The following ATAD3B variants were observed in gnomAD, a reference collection of about 807,000 sequenced individuals.
The protein encoded by ATAD3B is ATPase family AAA domain-containing protein 3B.
ATAD3B carries 59 observed loss-of-function variants against 70.2 expected under a neutral mutation model. That is an observed-to-expected ratio of 0.84 (90% CI 0.68 to 1.04). ATAD3B has a LOEUF of 1.04. Among genes scored for constraint, ATAD3B ranks in the 50% least tolerant of loss-of-function variants. ATAD3B has a pLI of 0.00. For missense variants in ATAD3B, 961 were observed against 913.4 expected (o/e 1.05, Z -0.67); for synonymous variants, 423 against 388.6 (o/e 1.09, Z -1.04).
At chr1:1,493,851 T>A (rs1640650678) in intron 15 of ATAD3B, among the ~76,000 whole-genome samples, 1 of 151,948 alleles carries the variant, frequency 6.6e-6, no homozygotes, top group East Asian at 1.9e-4. Flanking sequence ...ACTTTCCCAG[T>A]GAGGCTCATC....
intron 15 of ATAD3B, among the ~76,000 whole-genome samples, chr1:1,494,999 C>T (rs1640709484): frequency 6.6e-6 from 1 of 152,100 alleles, no homozygotes; most frequent in Admixed American, 6.6e-5. Flanking sequence ...GTGCTCAATG[C>T]CAAGCCCTGT....
At chr1:1,485,974 G>T in intron 9 of ATAD3B, 136 bp downstream of exon 9, 1 of 1,589,648 alleles carries the variant, frequency 6.3e-7, no homozygotes, top group South Asian at 1.1e-5. Flanking sequence ...GGACTGTGCC[G>T]GGGATAGATA....
At chr1:1,474,034 C>T (rs558985469) in intron 1 of ATAD3B, among the ~76,000 whole-genome samples, 1 of 151,872 alleles carries the variant, frequency 6.6e-6, no homozygotes, top group Non-Finnish European at 1.5e-5. Context: ...ATAGTCCTAG[C>T]TGGGCACCAC....
In ATAD3B at chr1:1,496,360, C is replaced by T. The variant is rs535436609; in HGVS notation, c.*543C>T. The T allele has an allele frequency of 1.1e-5, 7 of 647,516 alleles. No individual in the cohort carries two copies. Among genetic ancestry groups the T allele is most frequent in the South Asian group, 1.4e-4 (2 of 14,580 alleles). The allele number at this position is 647,516 out of a possible 1,614,324, so 40.1% of individuals were successfully genotyped here. A position where few individuals can be genotyped will look rare whatever the true frequency, so the allele number is the denominator to read the frequency against. The stretch of plus-strand genomic sequence containing the variant: ...CTTCACATCAGCCTCGCGCCACATC[C>T]GAGTTGGGGTCTGAATGCTGCCCGG... On this transcript the variant is annotated 3_prime_UTR_variant, in exon 16 of 16. Transcript: ENST00000673477.
At chr1:1,472,896 C>G (rs1202740783) in intron 1 of ATAD3B, among the ~76,000 whole-genome samples, 2 of 148,842 alleles carry the variant, frequency 1.3e-5, no homozygotes, top group South Asian at 2.2e-4. Context: ...TGCAGTGGTG[C>G]GATTTCGGCT....
At chr1:1,485,603 C>T (rs1293551509) in intron 8 of ATAD3B, among the ~76,000 whole-genome samples, 179 bp from the exon 9 acceptor site, 1 of 152,070 alleles carries the variant, frequency 6.6e-6, no homozygotes, top group Non-Finnish European at 1.5e-5. Flanking sequence ...GGAAAATGCC[C>T]CTAATCCCAG....
At position 1,495,508 on chromosome 1, in the gene ATAD3B, C is replaced by T. The variant is rs748534195; in HGVS notation, c.1638C>T (p.Asp546=). The T allele has an allele frequency of 1.6e-5, 26 of 1,609,604 alleles. No individual in the cohort carries two copies. Among genetic ancestry groups the T allele is most frequent in the Middle Eastern group, 1.7e-4 (1 of 6,060 alleles). Residue 546 remains aspartate, a synonymous_variant, in exon 16 of 16, where the codon GAC becomes GAT. Coordinates refer to ENST00000673477, the MANE Select transcript of ATAD3B (RefSeq NM_031921.6). ...SWQATAYASK[D]GVLTEAMMDA... ...AGGCCACGGCATATGCCTCCAAGGA[C>T]GGGGTCCTCACTGAGGCCATGATGG...
At position 1,482,185 on chromosome 1, in the gene ATAD3B, C is replaced by T. The variant is rs555206229; in HGVS notation, c.562C>T (p.Arg188Ter). The change falls in exon 6 of 16, where the codon CGA becomes TGA. Residue 188 changes from arginine (R) to a stop codon, truncating the protein, a stop_gained. Coordinates refer to ENST00000673477, the MANE Select transcript of ATAD3B (RefSeq NM_031921.6). LOFTEE classifies it high-confidence loss of function. ...MELRHKNEML[R>*]VETEARARAK... ...GCTGCGGCACAAGAATGAGATGCTG[C>T]GAGTGGAGACCGAGGCCCGGGCGCG... The T allele has an allele frequency of 2.1e-5, 34 of 1,610,826 alleles. 1 individual carries two copies. Among genetic ancestry groups the T allele is most frequent in the African/African-American group, 6.7e-5 (5 of 74,974 alleles).
chr1:1,486,206 C>T lies in ATAD3B; in HGVS notation c.1060C>T (p.Pro354Ser). ...LYRHILLYGP[P>S]GTGKTLFAKK... Reference sequence around the variant, plus strand: ...CAGGCACATCCTGCTGTATGGGCCACCAGGCACCGGGAAGACGCTGTTTGC... The same window carrying T: ...CAGGCACATCCTGCTGTATGGGCCATCAGGCACCGGGAAGACGCTGTTTGC... Residue 354 changes from proline to serine, a missense_variant, in exon 10 of 16, where the codon CCA becomes TCA. Around this residue, in one of 4 missense-constraint regions of ATAD3B, gnomAD observed 349 missense variants for 307.5 expected, o/e 1.14. Transcript: ENST00000673477. 6.2e-7 allele frequency: 1 copy of T among 1,613,116 alleles called. No individual in the cohort carries two copies. Among genetic ancestry groups the T allele is most frequent in the Non-Finnish European group, 8.5e-7 (1 of 1,179,654 alleles).
chr1:1,478,408 G>C, intron 2 of ATAD3B: 4 of 1,497,544 alleles, frequency 2.7e-6, no homozygotes, highest in South Asian at 2.7e-5. Context: ...GTTGGTGTCT[G>C]ACCTCCCTCC....
downstream of ATAD3B, among the ~76,000 whole-genome samples, chr1:1,498,860 C>A (rs112479096): frequency 9.3e-3 from 1,409 of 151,936 alleles, 25 homozygotes; most frequent in African/African-American, 0.031. Context: ...AAATTTACTT[C>A]TATAGAAGGG....
chr1:1,485,696 T>C (rs575342801), intron 8 of ATAD3B, 86 bp from the exon 9 acceptor site: 54 of 1,577,412 alleles, frequency 3.4e-5, no homozygotes, highest in African/African-American at 5.4e-5. Context: ...TCCGTTTCTG[T>C]GTGTTACCGA....
At chr1:1,491,271 C>T (rs988192158) in intron 15 of ATAD3B, among the ~76,000 whole-genome samples, 6 of 152,044 alleles carry the variant, frequency 3.9e-5, no homozygotes, top group African/African-American at 1.4e-4. Flanking sequence ...CGCGGTGGCT[C>T]ACGCCTGCAA....
intron 15 of ATAD3B, among the ~76,000 whole-genome samples, chr1:1,494,075 T>C (rs750688559): frequency 9.2e-5 from 14 of 152,012 alleles, no homozygotes; most frequent in Non-Finnish European, 1.9e-4. Flanking sequence ...AGATCTTAGG[T>C]TCCCAGAAAA....
In ATAD3B at chr1:1,478,243, C is replaced by T. The variant is rs1049328022; in HGVS notation, c.283-401C>T. The T allele has an allele frequency of 1.3e-5, 7 of 547,482 alleles. No individual in the cohort carries two copies. The African/African-American group carries it at 1.3e-4, about 10-fold the overall frequency. The allele number at this position is 547,482 out of a possible 1,614,324, so 33.9% of individuals were successfully genotyped here. ...AACTCCTGACCTCAGGTGATCCAGC[C>T]ACTTTGGCCTCACAAAGTGCTGGGA... On this transcript the variant is annotated intron_variant, in intron 2 of 15. Coordinates refer to ENST00000673477, the MANE Select transcript of ATAD3B (RefSeq NM_031921.6).
Position 1,497,201 on chromosome 1 carries a change from T to G in ATAD3B, c.*1384T>G, listed in dbSNP as rs1427734901. On this transcript the variant is annotated 3_prime_UTR_variant, in exon 16 of 16. Coordinates refer to ENST00000673477, the MANE Select transcript of ATAD3B (RefSeq NM_031921.6). ...CATTTCTCTCTCTACCTCTGCTCGC[T>G]CTCTCCATTTCTCTCTTTTTCCTTT... is the stretch of plus-strand genomic sequence containing the variant. 6.6e-6 allele frequency: 1 copy of G among 151,118 alleles called. No homozygotes were observed. Among genetic ancestry groups the G allele is most frequent in the Non-Finnish European group, 1.5e-5 (1 of 68,262 alleles). 9.4% of individuals were successfully genotyped at this position (151,118 alleles called of 1,614,324 possible).
At chr1:1,488,905 C>G (rs1009489596) in intron 12 of ATAD3B, among the ~76,000 whole-genome samples, 11 of 151,718 alleles carry the variant, frequency 7.3e-5, no homozygotes, top group Non-Finnish European at 1.5e-4. Context: ...CTTGAGATTA[C>G]AGGTGTGCCA....
chr1:1,482,389 A>T (rs1639964368), intron 6 of ATAD3B, 86 bp downstream of exon 6: 3 of 1,581,574 alleles, frequency 1.9e-6, no homozygotes, highest in African/African-American at 1.4e-5. Context: ...CAGCTCTTCC[A>T]GGCCTGGCCG....
At chr1:1,503,599 G>A in the ATAD3B span, 26 of 1,612,218 alleles carry the variant, frequency 1.6e-5, no homozygotes, top group African/African-American at 1.1e-4. Context: ...ATCAAAGGAC[G>A]CCCTGAATGT....
Sources: gnomAD v4.1 joint callset for allele counts (sites outside exome capture counted in the v4.1 genomes callset) on GRCh38, gnomAD v4.1.1 for gene constraint, gnomAD v4.1.1 regional missense constraint, MANE v1.5 for transcripts, NCBI Gene and HGNC (gene_info 2026-07-23, HGNC 2026-07-21) for gene names.